Variants in MROH9 observed in about 807,000 individuals in gnomAD.
The protein encoded by MROH9 is maestro heat like repeat family member 9.
MROH9 carries 92 observed loss-of-function variants against 98.2 expected under a neutral mutation model. That is an observed-to-expected ratio of 0.94 (90% CI 0.79 to 1.11). The LOEUF (loss-of-function observed/expected upper bound fraction) is 1.11, where lower values mean the gene tolerates loss of function less well. Among genes scored for constraint, MROH9 ranks in the 50% most tolerant of loss-of-function variants. MROH9 has a pLI of 0.00. For synonymous variants in MROH9, 397 were observed against 368.9 expected (o/e 1.08, Z -0.87); for missense variants, 1,057 against 1,014.8 (o/e 1.04, Z -0.57).
At chr1:170,958,398 G>A (rs1209810568) in intron 3 of MROH9, 63 bp from the exon 4 acceptor site, 3 of 938,506 alleles carry the variant, frequency 3.2e-6, no homozygotes, top group Non-Finnish European at 4.9e-6. Flanking sequence ...ATGCTATTAT[G>A]AGTCTCACTG....
chr1:170,959,551 AAG>A lies in MROH9; in HGVS notation c.243_244del (p.Lys81AsnfsTer9). On this transcript the variant is annotated frameshift_variant, in exon 5 of 22. Coordinates refer to ENST00000367759, the MANE Select transcript of MROH9 (RefSeq NM_001163629.2). LOFTEE classifies it high-confidence loss of function. ...CTAGTTGTCATGCCAAGTCTTGACAAAGTAAAAGAAATGGGGAGCAGTTATGA... is the reference window on the plus strand; with the variant it reads ...CTAGTTGTCATGCCAAGTCTTGACAATAAAAGAAATGGGGAGCAGTTATGA... The A allele has an allele frequency of 6.2e-7, 1 of 1,613,850 alleles. No homozygotes were observed. The highest frequency in any genetic ancestry group is 8.5e-7 in the Non-Finnish European group (1 of 1,179,884).
intron 12 of MROH9, among the ~76,000 whole-genome samples, chr1:170,993,774 T>C (rs376583225): frequency 2.0e-5 from 3 of 152,152 alleles, no homozygotes; most frequent in Non-Finnish European, 4.4e-5. Context: ...ATATAATCAA[T>C]GATCATAAAA....
intron 8 of MROH9, among the ~76,000 whole-genome samples, chr1:170,973,524 A>C (rs770440853): frequency 1.4e-4 from 22 of 152,178 alleles, no homozygotes; most frequent in Non-Finnish European, 2.4e-4. Flanking sequence ...CTAGAAATAA[A>C]AAAAAAAGTT....
intron 8 of MROH9, among the ~76,000 whole-genome samples, chr1:170,976,553 C>T (rs1571467847): frequency 6.6e-6 from 1 of 152,002 alleles, no homozygotes; most frequent in Admixed American, 6.6e-5. Flanking sequence ...TTGAAACCAG[C>T]CTGGCCAACA....
At chr1:171,044,269 T>G (rs1653396370) in intron 20 of MROH9, among the ~76,000 whole-genome samples, 2 of 152,240 alleles carry the variant, frequency 1.3e-5, no homozygotes, top group South Asian at 4.1e-4. Flanking sequence ...TTACAGTGAT[T>G]GATTTACCAA....
chr1:170,964,666 T>C (rs1328419587), intron 6 of MROH9, among the ~76,000 whole-genome samples: 2 of 152,068 alleles, frequency 1.3e-5, no homozygotes, highest in Non-Finnish European at 2.9e-5. Flanking sequence ...CCTCCGGTAA[T>C]GTACTCTCTA....
chr1:171,048,294 G>T (rs1345659171), intron 20 of MROH9, among the ~76,000 whole-genome samples: 1 of 152,278 alleles, frequency 6.6e-6, no homozygotes, highest in East Asian at 1.9e-4. Context: ...AGGGACTAGG[G>T]TCAAAAACCT....
Position 171,024,463 on chromosome 1 carries a change from C to A in MROH9, c.1977C>A (p.Tyr659Ter), listed in dbSNP as rs1402448754. The A allele has an allele frequency of 2.6e-6, 4 of 1,550,696 alleles. No individual in the cohort carries two copies. The highest frequency in any genetic ancestry group is 1.7e-6 in the Non-Finnish European group (2 of 1,146,622). ...AATTAGTTAGGGATATGAGACAGTACACATGGATGGTGAATGATGTGGTTC... is the reference window on the plus strand; with the variant it reads ...AATTAGTTAGGGATATGAGACAGTAAACATGGATGGTGAATGATGTGGTTC... ...FGQLVRDMRQ[Y>*]TWMVNDVVLE... is the part of the protein sequence containing the mutation. Residue 659 changes from tyrosine to a stop codon, truncating the protein, a stop_gained, in exon 18 of 22, where the codon TAC (tyrosine) becomes TAA (stop). Coordinates refer to ENST00000367759, the MANE Select transcript of MROH9 (RefSeq NM_001163629.2). LOFTEE classifies it high-confidence loss of function.
At chr1:170,999,476 A>G (rs916050468) in intron 15 of MROH9, among the ~76,000 whole-genome samples, 3 of 152,046 alleles carry the variant, frequency 2.0e-5, no homozygotes, top group Non-Finnish European at 4.4e-5. Flanking sequence ...CATCCAGGTC[A>G]CTGCAAATGC....
intron 10 of MROH9, among the ~76,000 whole-genome samples, chr1:170,987,710 G>A (rs533753465): frequency 7.9e-4 from 121 of 152,208 alleles, no homozygotes; most frequent in African/African-American, 2.6e-3. Flanking sequence ...ACATGCATAC[G>A]TATTACATTC....
Position 170,969,117 on chromosome 1 carries a change from C to T in MROH9, c.481-2631C>T, listed in dbSNP as rs377027920. Among the ~76,000 whole-genome samples the T allele has an allele frequency of 1.6e-4, 24 of 152,222 alleles. No individual in the cohort carries two copies. The East Asian group carries it at 4.1e-3, about 26-fold the overall frequency. ...TAAAAGAATTTAACAGTTTCTCAAA[C>T]AAAAACTTGTACAAAGTGTTCATTG... On this transcript the variant is annotated intron_variant, in intron 7 of 21. Coordinates refer to ENST00000367759, the MANE Select transcript of MROH9 (RefSeq NM_001163629.2).
At chr1:171,040,708 C>T (rs1021756459) in intron 20 of MROH9, among the ~76,000 whole-genome samples, 3 of 152,034 alleles carry the variant, frequency 2.0e-5, no homozygotes, top group African/African-American at 7.2e-5. Flanking sequence ...AATAGCTTCA[C>T]AAAATGGGTG....
Position 170,958,426 on chromosome 1 carries a change from C to A in MROH9, c.73-35C>A, listed in dbSNP as rs571299685. 3.1e-5 allele frequency: 36 copies of A among 1,147,088 alleles called. No individual in the cohort carries two copies. In the East Asian group the frequency reaches 8.7e-4, roughly 28 times the overall value. The allele number at this position is 1,147,088 out of a possible 1,614,324, so 71.1% of individuals were successfully genotyped here. ...TCTCACTGCTCTGTAATCATTAATT[C>A]TTCTTTTTTTTTTTTTTTTTAACAT... On this transcript the variant is annotated intron_variant, in intron 3 of 21. Coordinates refer to ENST00000367759, the MANE Select transcript of MROH9 (RefSeq NM_001163629.2).
chr1:171,013,711 A>G (rs1259470374), intron 15 of MROH9, among the ~76,000 whole-genome samples: 1 of 152,064 alleles, frequency 6.6e-6, no homozygotes, highest in Non-Finnish European at 1.5e-5. Flanking sequence ...TCACCATTGT[A>G]TCTCTATTTA....
chr1:170,949,643 A>T lies in MROH9; in HGVS notation c.72+2070A>T, dbSNP rs182178250. On this transcript the variant is annotated intron_variant, in intron 3 of 21. Coordinates refer to ENST00000367759, the MANE Select transcript of MROH9 (RefSeq NM_001163629.2). ...GCTGGTGTTTCAAAATTTAAAAACC[A>T]AAAACCAAAACACAGCACAGTGGGG... 6.1e-3 allele frequency among the ~76,000 whole-genome samples: 924 copies of T among 151,308 alleles called. 5 individuals carry two copies. The highest frequency in any genetic ancestry group is 0.021 in the African/African-American group (875 of 41,546).
intron 20 of MROH9, among the ~76,000 whole-genome samples, chr1:171,058,070 C>G (rs58186758): frequency 6.6e-6 from 1 of 152,066 alleles, no homozygotes; most frequent in Non-Finnish European, 1.5e-5. Flanking sequence ...GCAGATGACA[C>G]GGTTTTATAT....
Position 171,062,193 on chromosome 1 carries a change from T to C in MROH9, c.2343T>C (p.Asp781=). 3 of 1,545,248 alleles carry C rather than the reference T, an allele frequency of 1.9e-6. No individual in the cohort carries two copies. The highest frequency in any genetic ancestry group is 2.6e-6 in the Non-Finnish European group (3 of 1,141,444). ...LLRDEIEVML[D]VIERLLRDED... Reference sequence around the variant, plus strand: ...GAGATGAAATCGAAGTCATGCTTGATGGTGAGTATTGAGGTTATAACAAAA... The same window carrying C: ...GAGATGAAATCGAAGTCATGCTTGACGGTGAGTATTGAGGTTATAACAAAA... The change falls in exon 21 of 22, where the codon GAT becomes GAC. Residue 781 remains aspartate, a splice_region_variant and synonymous_variant. Coordinates refer to ENST00000367759, the MANE Select transcript of MROH9 (RefSeq NM_001163629.2).
At chr1:171,001,988 A>G (rs1162698159) in intron 15 of MROH9, among the ~76,000 whole-genome samples, 2 of 152,176 alleles carry the variant, frequency 1.3e-5, no homozygotes, top group Non-Finnish European at 2.9e-5. Context: ...TTACCATCAT[A>G]TAATGTCCAT....
At chr1:171,035,173 A>G (rs1653054825) in intron 20 of MROH9, among the ~76,000 whole-genome samples, 1 of 152,120 alleles carries the variant, frequency 6.6e-6, no homozygotes, top group Non-Finnish European at 1.5e-5. Context: ...AAGCTGAGAG[A>G]AATATTTGCA....
Sources: gnomAD v4.1 joint callset for allele counts (sites outside exome capture counted in the v4.1 genomes callset) on GRCh38, gnomAD v4.1.1 for gene constraint, MANE v1.5 for transcripts, NCBI Gene and HGNC (gene_info 2026-07-23, HGNC 2026-07-21) for gene names.